RBFOX1: variants seen among roughly 807,000 people sequenced by gnomAD.
The protein encoded by RBFOX1 is RNA binding protein fox-1 homolog 1.
A neutral mutation model predicts 57.7 loss-of-function variants in RBFOX1; 8 were observed. The ratio of observed to expected loss-of-function variants is 0.14; its 90% CI spans 0.08 to 0.25. The LOEUF (loss-of-function observed/expected upper bound fraction) is 0.25. Ranked by LOEUF, RBFOX1 falls within the 10% of genes least tolerant of loss-of-function variation. The pLI, the probability that RBFOX1 is intolerant of heterozygous loss-of-function variation, is 1.00. For synonymous variants in RBFOX1, 326 were observed against 222.4 expected (o/e 1.47, Z -4.15); for missense variants, 611 against 548.5 (o/e 1.11, Z -1.14).
chr16:7,709,834 C>G (rs1169612599), intron 15 of RBFOX1: 4 of 1,251,250 alleles, frequency 3.2e-6, no homozygotes, highest in Non-Finnish European at 4.0e-6. Flanking sequence ...CACTGAAACT[C>G]TTGAGTACAG....
intron 2 of RBFOX1, among the ~76,000 whole-genome samples, chr16:6,637,391 T>TAA (rs2098451924): frequency 8.6e-4 from 5 of 5,820 alleles, no homozygotes; most frequent in East Asian, 0.024. Context: ...AAATATATAT[T>TAA]ATATATTAAA....
intron 2 of RBFOX1, among the ~76,000 whole-genome samples, chr16:6,570,537 A>G (rs995051264): frequency 3.9e-5 from 6 of 152,202 alleles, no homozygotes; most frequent in African/African-American, 1.4e-4. Flanking sequence ...ATAAAATATA[A>G]TTTATACATG....
chr16:6,603,937 G>A (rs1231209943), intron 2 of RBFOX1, among the ~76,000 whole-genome samples: 3 of 145,790 alleles, frequency 2.1e-5, no homozygotes, highest in African/African-American at 7.4e-5. Context: ...GCTGTTCAGT[G>A]AAGTTGGTTT....
At chr16:6,191,729 G>A (rs963106933) in intron 1 of RBFOX1, among the ~76,000 whole-genome samples, 1 of 152,134 alleles carries the variant, frequency 6.6e-6, no homozygotes, top group Non-Finnish European at 1.5e-5. Context: ...TATTTAACAA[G>A]CTGGAAACTC....
intron 4 of RBFOX1, among the ~76,000 whole-genome samples, chr16:5,904,801 C>T (rs1305073456): frequency 6.6e-6 from 1 of 151,458 alleles, no homozygotes; most frequent in East Asian, 2.0e-4. Context: ...CACAGTGAAA[C>T]CCTGTCTCTA....
rs1002714502 is a variant in RBFOX1, at chr16:5,785,671, G to A, written c.319-81632G>A. Among the ~76,000 whole-genome samples the A allele has an allele frequency of 3.3e-5, 5 of 152,158 alleles. No homozygotes were observed. The South Asian group carries it at 1.0e-3, about 32-fold the overall frequency. ...GCCTCCTGAGTAGCTGGGATTACAG[G>A]CATGCACCACCATACCCGGCTAATT... On this transcript the variant is annotated intron_variant, in intron 3 of 19. Coordinates refer to the RBFOX1 transcript ENST00000641259.
intron 3 of RBFOX1, among the ~76,000 whole-genome samples, chr16:6,835,272 A>T (rs1006986048): frequency 6.6e-6 from 1 of 152,124 alleles, no homozygotes; most frequent in African/African-American, 2.4e-5. Context: ...CACAGCTGCT[A>T]TGCGGGTTCC....
intron 3 of RBFOX1, among the ~76,000 whole-genome samples, chr16:6,804,999 C>A (rs1238855484): frequency 6.6e-6 from 1 of 152,174 alleles, no homozygotes; most frequent in Non-Finnish European, 1.5e-5. Context: ...CATCAAAGAT[C>A]TGAAAACTGA....
chr16:6,647,398 C>G (rs1020366268), intron 2 of RBFOX1, among the ~76,000 whole-genome samples: 1 of 152,138 alleles, frequency 6.6e-6, no homozygotes, highest in African/African-American at 2.4e-5. Flanking sequence ...ATGCCCACCA[C>G]CATGCCTGGC....
At chr16:6,920,491 C>T (rs2074228944) in intron 3 of RBFOX1, among the ~76,000 whole-genome samples, 1 of 152,164 alleles carries the variant, frequency 6.6e-6, no homozygotes. Context: ...GCACCGAGTC[C>T]ACAGAGGCTC....
intron 4 of RBFOX1, among the ~76,000 whole-genome samples, chr16:7,065,035 T>C (rs1038744621): frequency 1.3e-5 from 2 of 152,166 alleles, no homozygotes; most frequent in Admixed American, 1.3e-4. Context: ...TTGTTCGATA[T>C]GGATGGAGAA....
chr16:7,653,794 C>G (rs773207266), intron 11 of RBFOX1, 21 bp from the exon 12 acceptor site: 4 of 1,607,554 alleles, frequency 2.5e-6, no homozygotes, highest in South Asian at 2.2e-5. Flanking sequence ...CTCTCTCTCT[C>G]TCTCTCCTCT....
intron 4 of RBFOX1, among the ~76,000 whole-genome samples, chr16:7,371,244 G>C (rs915230268): frequency 6.6e-6 from 1 of 152,108 alleles, no homozygotes; most frequent in Admixed American, 6.5e-5. Flanking sequence ...GAAGAATCAA[G>C]AAGTAAACAA....
chr16:6,597,664 C>G (rs191174622), intron 2 of RBFOX1, among the ~76,000 whole-genome samples: 1 of 152,204 alleles, frequency 6.6e-6, no homozygotes, highest in African/African-American at 2.4e-5. Flanking sequence ...GAGAGCAAGA[C>G]TCCATCTCAA....
At chr16:5,365,661 C>G (rs1158994019) in intron 1 of RBFOX1, 1 of 336,430 alleles carries the variant, frequency 3.0e-6, no homozygotes, top group Non-Finnish European at 5.7e-6. Flanking sequence ...GAGTAAGACC[C>G]TGTCTCAGTA....
intron 3 of RBFOX1, among the ~76,000 whole-genome samples, chr16:6,941,190 A>G (rs2078384739): frequency 6.6e-6 from 1 of 151,508 alleles, no homozygotes; most frequent in East Asian, 2.0e-4. Flanking sequence ...TTCCATGCAT[A>G]CATATATATA....
chr16:5,803,492 G>T (rs1200851949), intron 3 of RBFOX1, among the ~76,000 whole-genome samples: 1 of 152,150 alleles, frequency 6.6e-6, no homozygotes, highest in East Asian at 1.9e-4. Flanking sequence ...TTTAATAACG[G>T]TGCTACTTTC....
chr16:6,736,481 G>A (rs1252370919), intron 3 of RBFOX1, among the ~76,000 whole-genome samples: 1 of 152,140 alleles, frequency 6.6e-6, no homozygotes, highest in East Asian at 1.9e-4. Context: ...TGCAAATGCT[G>A]TTAATTCATT....
chr16:5,443,418 A>G (rs748936591), intron 1 of RBFOX1, among the ~76,000 whole-genome samples: 6 of 152,002 alleles, frequency 3.9e-5, no homozygotes, highest in Non-Finnish European at 7.4e-5. Flanking sequence ...GCTCACTGCA[A>G]CCTCCACCTC....
Sources: allele counts gnomAD v4.1 joint callset (sites outside exome capture counted in the v4.1 genomes callset), GRCh38; gene constraint gnomAD v4.1.1; transcripts MANE v1.5; gene names NCBI Gene and HGNC (gene_info 2026-07-23, HGNC 2026-07-21).